The following CFAP299 variants were observed in gnomAD, a reference collection of about 807,000 sequenced individuals.
The protein encoded by CFAP299 is cilia- and flagella-associated protein 299.
In CFAP299, 21 loss-of-function variants were observed where a neutral mutation model predicts 27.0. That is an observed-to-expected ratio of 0.78 (90% confidence interval 0.55 to 1.12). CFAP299 has a LOEUF of 1.12. CFAP299 is among the 50% of genes most tolerant of loss of function. The probability of loss-of-function intolerance (pLI) is 0.00; values close to 1 mark genes in which losing one functional copy is unlikely to be tolerated. For missense variants in CFAP299, 310 were observed against 276.6 expected (o/e 1.12, Z -0.86); for synonymous variants, 104 against 98.1 (o/e 1.06, Z -0.36).
chr4:80,394,603 A>T (rs893028727), intron 2 of CFAP299, among the ~76,000 whole-genome samples: 1 of 152,110 alleles, frequency 6.6e-6, no homozygotes, highest in African/African-American at 2.4e-5. Flanking sequence ...GTTTTTATAT[A>T]TAGGGTGATA....
At chr4:80,926,285 T>C (rs1736302417) in intron 4 of CFAP299, among the ~76,000 whole-genome samples, 1 of 152,020 alleles carries the variant, frequency 6.6e-6, no homozygotes, top group African/African-American at 2.4e-5. Flanking sequence ...TGTGCTAAGC[T>C]ACAGAGTGTG....
chr4:80,515,665 T>C (rs1158724622), intron 2 of CFAP299, among the ~76,000 whole-genome samples: 2 of 152,192 alleles, frequency 1.3e-5, no homozygotes, highest in African/African-American at 4.8e-5. Context: ...GTGATAACAA[T>C]TAATAGTTGA....
chr4:80,847,470 G>A (rs574172471), intron 3 of CFAP299, among the ~76,000 whole-genome samples: 2 of 152,300 alleles, frequency 1.3e-5, no homozygotes, highest in East Asian at 1.9e-4. Context: ...CAGAGATGAT[G>A]TCAGTTTTAT....
At chr4:80,804,076 C>A (rs1342397893) in intron 3 of CFAP299, among the ~76,000 whole-genome samples, 1 of 152,124 alleles carries the variant, frequency 6.6e-6, no homozygotes, top group Non-Finnish European at 1.5e-5. Context: ...GAGGTGGAGG[C>A]GCTGTCATGA....
intron 2 of CFAP299, among the ~76,000 whole-genome samples, chr4:80,442,650 A>G (rs1424135539): frequency 6.6e-6 from 1 of 152,192 alleles, no homozygotes. Context: ...AACAAGAGCA[A>G]ATTCAAAGAC....
intron 3 of CFAP299, among the ~76,000 whole-genome samples, chr4:80,737,284 G>A (rs190659366): frequency 0.013 from 1,959 of 151,140 alleles, 134 homozygotes; most frequent in Admixed American, 0.11. Context: ...TGCACATTGC[G>A]CACATGTACC....
chr4:80,655,043 C>T (rs1740488088), intron 3 of CFAP299, among the ~76,000 whole-genome samples: 1 of 152,060 alleles, frequency 6.6e-6, no homozygotes, highest in Non-Finnish European at 1.5e-5. Context: ...TAATAAAAGA[C>T]ATTAAGAGTG....
chr4:80,891,797 A>AAAT (rs1734306720), intron 4 of CFAP299, among the ~76,000 whole-genome samples: 3 of 142,070 alleles, frequency 2.1e-5, no homozygotes, highest in African/African-American at 5.3e-5. Flanking sequence ...AATAAAAAAA[A>AAAT]AAATAAAAGC....
intron 2 of CFAP299, among the ~76,000 whole-genome samples, chr4:80,391,084 C>T (rs1333999997): frequency 1.3e-5 from 2 of 151,756 alleles, no homozygotes; most frequent in African/African-American, 4.8e-5. Context: ...CATATATACA[C>T]TCACACATAT....
At position 80,399,716 on chromosome 4, in the gene CFAP299, G is replaced by A. The variant is rs1422191120; in HGVS notation, c.242+36832G>A. ...TGAGGTGGGGGAGGGGGGAGGGATA[G>A]CATTAGGAGATATACCTAATGTAAA... is the stretch of plus-strand genomic sequence containing the variant. On this transcript the variant is annotated intron_variant, in intron 2 of 5. Coordinates refer to ENST00000358105, the MANE Select transcript of CFAP299 (RefSeq NM_152770.3). Among the ~76,000 whole-genome samples, 3 of 150,562 alleles carry A rather than the reference G, an allele frequency of 2.0e-5. No homozygotes were observed. The South Asian group carries it at 6.4e-4, about 32-fold the overall frequency.
rs1396502423 is a variant in CFAP299, at chr4:80,944,826, G to A, written c.493G>A (p.Ala165Thr). Reference sequence around the variant, plus strand: ...TTTTTATAGCTTTTACAACTGGGACGCTGATATTGCTGTTAGTAATTCAAG... The same window carrying A: ...TTTTTATAGCTTTTACAACTGGGACACTGATATTGCTGTTAGTAATTCAAG... ...PTDISFYNWD[A>T]DIAVSNSSPN... The change falls in exon 5 of 6, where the codon GCT (alanine) becomes ACT (threonine). Residue 165 changes from alanine (A) to threonine (T), a missense_variant. Coordinates refer to ENST00000358105, the MANE Select transcript of CFAP299 (RefSeq NM_152770.3). 7.5e-6 allele frequency: 12 copies of A among 1,603,116 alleles called. No individual in the cohort carries two copies. The highest frequency in any genetic ancestry group is 6.7e-5 in the East Asian group (3 of 44,670).
intron 2 of CFAP299, 101 bp downstream of exon 2, chr4:80,362,985 G>A: frequency 1.5e-6 from 2 of 1,331,724 alleles, no homozygotes; most frequent in East Asian, 2.5e-5. Flanking sequence ...ACTGGGTGGA[G>A]CAGGTAAAAC....
intron 3 of CFAP299, among the ~76,000 whole-genome samples, chr4:80,790,975 T>C (rs549993196): frequency 2.0e-5 from 3 of 152,176 alleles, no homozygotes; most frequent in South Asian, 2.1e-4. Context: ...CTGGACTACA[T>C]AACTGAGGCT....
chr4:80,682,330 G>A (rs1029757552), intron 3 of CFAP299, among the ~76,000 whole-genome samples: 8 of 151,978 alleles, frequency 5.3e-5, no homozygotes, highest in Middle Eastern at 6.8e-3. Context: ...GATCTGTTTT[G>A]TTTACTTTTT....
chr4:80,401,378 TTCTC>T (rs927806489), intron 2 of CFAP299, among the ~76,000 whole-genome samples: 4 of 151,952 alleles, frequency 2.6e-5, no homozygotes, highest in African/African-American at 9.7e-5. Flanking sequence ...GGGCCCAGGG[TTCTC>T]GTGCTGTGTG....
chr4:80,335,736 G>T lies in CFAP299; in HGVS notation c.-33G>T, dbSNP rs757207418. ...CTCCTGACCCTGCCCTCCTGCTTCC[G>T]TTGCTAGGGACGCTTCGGCCGAGGA... On this transcript the variant is annotated 5_prime_UTR_variant, in exon 1 of 6. Coordinates refer to ENST00000358105, the MANE Select transcript of CFAP299 (RefSeq NM_152770.3). 1 of 1,363,702 alleles carries T rather than the reference G, an allele frequency of 7.3e-7. No homozygotes were observed. The highest frequency in any genetic ancestry group is 1.2e-5 in the South Asian group (1 of 86,052). The allele number at this position is 1,363,702 out of a possible 1,614,324, so 84.5% of individuals were successfully genotyped here. A position where few individuals can be genotyped will look rare whatever the true frequency, so the allele number is the denominator to read the frequency against.
intron 2 of CFAP299, among the ~76,000 whole-genome samples, chr4:80,432,056 G>A (rs1440155232): frequency 6.6e-6 from 1 of 152,168 alleles, no homozygotes; most frequent in Non-Finnish European, 1.5e-5. Context: ...ATAAGTTAAT[G>A]TAATAATCTC....
intron 3 of CFAP299, among the ~76,000 whole-genome samples, chr4:80,735,051 A>G (rs1038149789): frequency 2.0e-5 from 3 of 152,180 alleles, no homozygotes; most frequent in Admixed American, 6.5e-5. Context: ...CAGTATGAAT[A>G]TTTTAACAAT....
intron 2 of CFAP299, among the ~76,000 whole-genome samples, chr4:80,516,301 G>C (rs1303866279): frequency 2.6e-5 from 4 of 152,112 alleles, no homozygotes; most frequent in Non-Finnish European, 5.9e-5. Context: ...GATTACAGGT[G>C]TGAGCCACTG....
Sources: allele counts gnomAD v4.1 joint callset (sites outside exome capture counted in the v4.1 genomes callset), GRCh38; gene constraint gnomAD v4.1.1; transcripts MANE v1.5; gene names NCBI Gene and HGNC (gene_info 2026-07-23, HGNC 2026-07-21).